PIGG: variants seen among roughly 807,000 people sequenced by gnomAD.
The protein encoded by PIGG is GPI ethanolamine phosphate transferase 2, catalytic subunit.
Under a neutral mutation model 83.2 loss-of-function variants are expected in PIGG, and 70 were observed. The observed-to-expected ratio is 0.84, with a 90% CI of 0.69 to 1.03. The LOEUF (loss-of-function observed/expected upper bound fraction) is 1.03. Ranked by LOEUF, PIGG falls within the 50% of genes least tolerant of loss-of-function variation. The probability of loss-of-function intolerance (pLI) is 0.00; values close to 1 mark genes in which losing one functional copy is unlikely to be tolerated. For missense variants in PIGG, 1,257 were observed against 1,233.6 expected, an observed-to-expected ratio of 1.02 and a Z score of -0.28; for synonymous variants, 532 against 519.5, an observed-to-expected ratio of 1.02 and a Z score of -0.33.
rs563973195 is a variant in PIGG, at chr4:499,780, T to A, written c.154+291T>A. 56 of 1,248,022 alleles carry A rather than the reference T, an allele frequency of 4.5e-5. No homozygotes were observed. The South Asian group carries it at 9.4e-4, about 21-fold the overall frequency. 77.3% of individuals were successfully genotyped at this position (1,248,022 alleles called of 1,614,324 possible). ...CTCTCCACTTCTACTCGTCCAGAGC[T>A]CCCGCCCCTTTCCTGAGCAGCCTTT... On this transcript the variant is annotated intron_variant, in intron 1 of 12. Transcript: ENST00000453061.
chr4:537,567 C>G (rs1330564201), intron 12 of PIGG, among the ~76,000 whole-genome samples: 1 of 152,130 alleles, frequency 6.6e-6, no homozygotes, highest in Non-Finnish European at 1.5e-5. Context: ...CCTGTGGGGT[C>G]CCCGGCCTGT....
intron 6 of PIGG, among the ~76,000 whole-genome samples, chr4:518,950 C>T (rs1267343534): frequency 5.9e-5 from 9 of 152,238 alleles, no homozygotes; most frequent in Non-Finnish European, 7.4e-5. Context: ...GTAGTGGGAC[C>T]GGCTTTTTCT....
At position 528,673 on chromosome 4, in the gene PIGG, G is replaced by A. The variant is rs540884919; in HGVS notation, c.2261+1443G>A. On this transcript the variant is annotated intron_variant, in intron 10 of 12. Coordinates refer to ENST00000453061, the MANE Select transcript of PIGG (RefSeq NM_001127178.3). The surrounding 1 kb of genome is among the most constrained non-coding windows in gnomAD (Gnocchi z 4.8). ...TCATCCAAATGGATGTTACATTTGC[G>A]GGTGTGTGTTTAAGGTGCAGCGTAT... 6 of 985,150 alleles carry A rather than the reference G, an allele frequency of 6.1e-6. No individual in the cohort carries two copies. The South Asian group carries it at 2.3e-4, about 39-fold the overall frequency. The allele number at this position is 985,150 out of a possible 1,614,324, so 61.0% of individuals were successfully genotyped here. A position where few individuals can be genotyped will look rare whatever the true frequency, so the allele number is the denominator to read the frequency against.
At chr4:518,777 CT>C (rs1212928823) in intron 6 of PIGG, among the ~76,000 whole-genome samples, 3 of 152,124 alleles carry the variant, frequency 2.0e-5, no homozygotes, top group African/African-American at 4.8e-5. Flanking sequence ...GGAACCCCCC[CT>C]GGCGGCCCAT....
chr4:519,081 A>G (rs1379781846), intron 6 of PIGG, among the ~76,000 whole-genome samples: 1 of 152,184 alleles, frequency 6.6e-6, no homozygotes, highest in African/African-American at 2.4e-5. Flanking sequence ...TTCCTGGTCC[A>G]GCGCCCACTC....
At chr4:503,216 C>T (rs535880501) in intron 2 of PIGG, among the ~76,000 whole-genome samples, 38 of 152,312 alleles carry the variant, frequency 2.5e-4, no homozygotes, top group African/African-American at 7.0e-4. Flanking sequence ...CCACCACCGT[C>T]GTCCAGGCTG....
chr4:515,986 T>A lies in PIGG; in HGVS notation c.915T>A (p.His305Gln). The change falls in exon 6 of 13, where the codon CAT becomes CAA. Residue 305 changes from histidine to glutamine, a missense_variant. Coordinates refer to ENST00000453061, the MANE Select transcript of PIGG (RefSeq NM_001127178.3). This position sits in a 1 kb window ranked among gnomAD's most constrained non-coding sequence, Gnocchi z 4.2. ...TCTTTCTTCTAGGTGATATCCGACA[T>A]CCAAAGCACGTCCAACAGACGGATG... Reference protein sequence around the residue: ...AFERKPGDIRHPKHVQQTDVA... With the variant: ...AFERKPGDIRQPKHVQQTDVA... 6.2e-7 allele frequency: 1 copy of A among 1,613,980 alleles called. No homozygotes were observed. The highest frequency in any genetic ancestry group is 8.5e-7 in the Non-Finnish European group (1 of 1,179,832).
intron 12 of PIGG, chr4:536,898 CTG>C (rs1167375124): frequency 6.6e-6 from 1 of 152,282 alleles, no homozygotes; most frequent in African/African-American, 2.4e-5. Context: ...GCTCCTCTCT[CTG>C]TAGGTTTGGT....
intron 10 of PIGG, among the ~76,000 whole-genome samples, chr4:530,027 A>G (rs1262838873): frequency 6.6e-6 from 1 of 152,214 alleles, no homozygotes; most frequent in Non-Finnish European, 1.5e-5. Context: ...CAGTTGTGCA[A>G]TGAACATTTA....
At position 499,467 on chromosome 4, in the gene PIGG, C is replaced by T. The variant is rs1188177043; in HGVS notation, c.132C>T (p.Pro44=). The change falls in exon 1 of 13, where the codon CCC becomes CCT. Residue 44 remains proline (P), a synonymous_variant. Coordinates refer to ENST00000453061, the MANE Select transcript of PIGG (RefSeq NM_001127178.3). ...SSARAEHGAE[P]PAPEPSAGAS... is the part of the protein sequence containing the mutation. The stretch of plus-strand genomic sequence containing the variant: ...CCAGAGCGGAACACGGAGCGGAGCC[C>T]CCAGCGCCCGAACCCTCGGCTGGTA... 1.9e-6 allele frequency: 3 copies of T among 1,600,558 alleles called. No homozygotes were observed. The highest frequency in any genetic ancestry group is 2.2e-5 in the East Asian group (1 of 44,736).
chr4:500,526 C>A lies in PIGG; in HGVS notation c.285C>A (p.Tyr95Ter). 1 of 1,613,378 alleles carries A rather than the reference C, an allele frequency of 6.2e-7. No individual in the cohort carries two copies. Among genetic ancestry groups the A allele is most frequent in the Non-Finnish European group, 8.5e-7 (1 of 1,179,290 alleles). The change falls in exon 2 of 13, where the codon TAC (tyrosine) becomes TAA (stop). Residue 95 changes from tyrosine (Y) to a stop codon, truncating the protein, a stop_gained. Coordinates refer to ENST00000453061, the MANE Select transcript of PIGG (RefSeq NM_001127178.3). LOFTEE classifies it high-confidence loss of function. The stretch of plus-strand genomic sequence containing the variant: ...TGAAATTTATGCCCTACACAACTTA[C>A]CTTGTGGAAAAAGGAGCATCTCACA... The part of the protein sequence containing the change: ...KGVKFMPYTT[Y>*]LVEKGASHSF...
At chr4:512,591 T>G (rs13109444) in intron 5 of PIGG, among the ~76,000 whole-genome samples, 1 of 151,750 alleles carries the variant, frequency 6.6e-6, no homozygotes, top group South Asian at 2.1e-4. Flanking sequence ...CCAAGGCGGG[T>G]GGATCACAAG....
intron 11 of PIGG, chr4:532,619 A>C (rs73794942): frequency 0.19 from 28,427 of 152,212 alleles, 3,191 homozygotes; most frequent in African/African-American, 0.32. Context: ...CTGTGAGATA[A>C]TGGGGAAGCA....
Position 523,656 on chromosome 4 carries a change from G to GCCT in PIGG, c.1815_1817dup (p.Pro606dup). On this transcript the variant is annotated inframe_insertion, in exon 9 of 13. Transcript: ENST00000453061. ...ACTACTTTCTGGGAGATGACGGTGA[G>GCCT]CCTCCGTGTGGCCTCTGTGTGGAAC... The GCCT allele has an allele frequency of 6.2e-7, 1 of 1,614,218 alleles. No homozygotes were observed. The highest frequency in any genetic ancestry group is 1.1e-5 in the South Asian group (1 of 91,088).
At chr4:534,879 A>C (rs1730067228) in intron 12 of PIGG, among the ~76,000 whole-genome samples, 1 of 151,292 alleles carries the variant, frequency 6.6e-6, no homozygotes. Context: ...ACCCCAGATC[A>C]AGGGCGCAGC....
Position 527,133 on chromosome 4 carries a change from G to A in PIGG, c.2164G>A (p.Ala722Thr). 1 of 1,614,106 alleles carries A rather than the reference G, an allele frequency of 6.2e-7. No homozygotes were observed. Among genetic ancestry groups the A allele is most frequent in the Non-Finnish European group, 8.5e-7 (1 of 1,180,010 alleles). Residue 722 changes from alanine (A) to threonine (T), a missense_variant, in exon 10 of 13, where the codon GCT becomes ACT. Ala to Thr is a moderately conservative substitution (Grantham distance 58, BLOSUM62 0). Transcript: ENST00000453061. Reference sequence around the variant, plus strand: ...GAGGGGGTGCTCCCCTGTGTCCAAGGCTGCCCTGGCGCTGGGGCTGCTGGG... The same window carrying A: ...GAGGGGGTGCTCCCCTGTGTCCAAGACTGCCCTGGCGCTGGGGCTGCTGGG... ...VQRGCSPVSK[A>T]ALALGLLGVY... is the part of the protein sequence containing the mutation.
Position 515,935 on chromosome 4 carries a change from C to T in PIGG, c.902-38C>T, listed in dbSNP as rs1211762230. On this transcript the variant is annotated intron_variant, in intron 5 of 12. Coordinates refer to ENST00000453061, the MANE Select transcript of PIGG (RefSeq NM_001127178.3). This position sits in a 1 kb window ranked among gnomAD's most constrained non-coding sequence, Gnocchi z 4.2. ...AAGAATGAGTACCATCTTACACTTTCTAGAAGTCTGTTACTTAAAATGTTT... is the reference window on the plus strand; with the variant it reads ...AAGAATGAGTACCATCTTACACTTTTTAGAAGTCTGTTACTTAAAATGTTT... 6.6e-7 allele frequency: 1 copy of T among 1,523,280 alleles called. No individual in the cohort carries two copies. The highest frequency in any genetic ancestry group is 1.7e-5 in the Admixed American group (1 of 59,870). The allele number at this position is 1,523,280 out of a possible 1,614,324, so 94.4% of individuals were successfully genotyped here. A position where few individuals can be genotyped will look rare whatever the true frequency, so the allele number is the denominator to read the frequency against.
rs1202652768 is a variant in PIGG, at chr4:539,850, T to C, written c.*481T>C. On this transcript the variant is annotated 3_prime_UTR_variant, in exon 13 of 13. Transcript: ENST00000453061. ...ATTCATTTATAAGGAATCTATTGCA[T>C]ATTAATGAAACACTTGAAGGAAAAG... The C allele has an allele frequency of 6.5e-6, 1 of 152,714 alleles. No homozygotes were observed. Among genetic ancestry groups the C allele is most frequent in the Non-Finnish European group, 1.5e-5 (1 of 68,430 alleles). 9.5% of individuals were successfully genotyped at this position (152,714 alleles called of 1,614,324 possible).
At chr4:509,183 T>C (rs182216575) in intron 5 of PIGG, among the ~76,000 whole-genome samples, 343 of 152,320 alleles carry the variant, frequency 2.3e-3, no homozygotes, top group Non-Finnish European at 3.9e-3. Flanking sequence ...TGTCAGAATT[T>C]TGTTGTATGA....
Sources: gnomAD v4.1 joint callset for allele counts (sites outside exome capture counted in the v4.1 genomes callset) on GRCh38, gnomAD v4.1.1 for gene constraint, Gnocchi (gnomAD v3.1) non-coding constraint, MANE v1.5 for transcripts, NCBI Gene and HGNC (gene_info 2026-07-23, HGNC 2026-07-21) for gene names.